CD2AP: variants seen among roughly 807,000 people sequenced by gnomAD.
CD2AP encodes CD2 associated protein.
Under a neutral mutation model 85.1 loss-of-function variants are expected in CD2AP, and 46 were observed. The observed-to-expected ratio is 0.54, with a 90% CI of 0.43 to 0.69. The LOEUF is 0.69. Ranked by LOEUF, CD2AP falls within the 30% of genes least tolerant of loss-of-function variation. CD2AP has a pLI of 0.00. For missense variants in CD2AP, 769 were observed against 729.5 expected, an observed-to-expected ratio of 1.05 and a Z score of -0.62; for synonymous variants, 255 against 252.9, an observed-to-expected ratio of 1.01 and a Z score of -0.08.
chr6:47,615,779 TTTAA>T (rs1769562149), intron 17 of CD2AP, among the ~76,000 whole-genome samples: 1 of 85,790 alleles, frequency 1.2e-5, no homozygotes, highest in Non-Finnish European at 2.5e-5. Flanking sequence ...TAATTTTAAT[TTTAA>T]TTTAATTTAA....
chr6:47,610,291 C>T (rs1769395502), intron 16 of CD2AP, among the ~76,000 whole-genome samples: 1 of 151,956 alleles, frequency 6.6e-6, no homozygotes, highest in South Asian at 2.1e-4. Flanking sequence ...TACAAAAGCC[C>T]AGTAGGTAAA....
chr6:47,564,767 A>G (rs943581031), intron 5 of CD2AP, among the ~76,000 whole-genome samples: 2 of 152,118 alleles, frequency 1.3e-5, no homozygotes, highest in Admixed American at 6.5e-5. Context: ...GCCTCTGTCC[A>G]TAATTGGTGT....
At chr6:47,499,984 C>A (rs763126564) in intron 1 of CD2AP, among the ~76,000 whole-genome samples, 4 of 152,154 alleles carry the variant, frequency 2.6e-5, no homozygotes, top group African/African-American at 9.7e-5. Flanking sequence ...CCACCTCAGC[C>A]TCCCAAAGTG....
chr6:47,599,303 T>A lies in CD2AP; in HGVS notation c.1277T>A (p.Ile426Asn). ...PVPPPPPIAKINGEVSSISSK... is the reference protein window; with the variant it reads ...PVPPPPPIAKNNGEVSSISSK... ...TGCGTGTTTTTTTCTTATTTCAGGA[T>A]TAATGGGGAAGTTTCTAGCATTTCA... is the stretch of plus-strand genomic sequence containing the variant. The change falls in exon 13 of 18, where the codon ATT (isoleucine) becomes AAT (asparagine). Residue 426 changes from isoleucine to asparagine, a missense_variant and splice_region_variant. Coordinates refer to ENST00000359314, the MANE Select transcript of CD2AP (RefSeq NM_012120.3). 1 of 1,611,808 alleles carries A rather than the reference T, an allele frequency of 6.2e-7. No homozygotes were observed. The highest frequency in any genetic ancestry group is 1.1e-5 in the South Asian group (1 of 91,020).
At chr6:47,567,405 A>T (rs1768032579) in intron 5 of CD2AP, among the ~76,000 whole-genome samples, 1 of 152,190 alleles carries the variant, frequency 6.6e-6, no homozygotes, top group Non-Finnish European at 1.5e-5. Context: ...CAATATATTG[A>T]GTGCCTTTTG....
Position 47,626,276 on chromosome 6 carries a change from T to A in CD2AP, c.*2049T>A, listed in dbSNP as rs1769904200. The A allele has an allele frequency of 6.6e-6, 1 of 151,982 alleles. No individual in the cohort carries two copies. Among genetic ancestry groups the A allele is most frequent in the South Asian group, 2.1e-4 (1 of 4,826 alleles). The allele number at this position is 151,982 out of a possible 1,614,324, so 9.4% of individuals were successfully genotyped here. On this transcript the variant is annotated 3_prime_UTR_variant, in exon 18 of 18. Transcript: ENST00000359314. ...AGTAACTGAAATACTTTTACCTTTCTGTCCTTGATAAAATAGTAAAGAAAA... is the reference window on the plus strand; with the variant it reads ...AGTAACTGAAATACTTTTACCTTTCAGTCCTTGATAAAATAGTAAAGAAAA...
intron 2 of CD2AP, among the ~76,000 whole-genome samples, chr6:47,517,292 T>C (rs1307414883): frequency 6.6e-6 from 1 of 151,982 alleles, no homozygotes; most frequent in Non-Finnish European, 1.5e-5. Flanking sequence ...TTCTTTTTTT[T>C]TTTTTTTGGA....
intron 11 of CD2AP, among the ~76,000 whole-genome samples, chr6:47,587,549 G>A (rs1324174712): frequency 6.6e-6 from 1 of 152,102 alleles, no homozygotes; most frequent in Non-Finnish European, 1.5e-5. Flanking sequence ...GGCAAGCTGT[G>A]TCCCAGAATG....
In CD2AP at chr6:47,607,861, C is replaced by T. The variant is rs544847085; in HGVS notation, c.1531-66C>T. The T allele has an allele frequency of 8.6e-5, 92 of 1,072,788 alleles. No homozygotes were observed. In the South Asian group the frequency reaches 1.2e-3, roughly 14 times the overall value. The allele number at this position is 1,072,788 out of a possible 1,614,324, so 66.5% of individuals were successfully genotyped here. The stretch of plus-strand genomic sequence containing the variant: ...CATAAAAGTTATTTGCTTTATTATC[C>T]AAAGACTTACTACCTTTTCTTTTCT... On this transcript the variant is annotated intron_variant, in intron 14 of 17. Transcript: ENST00000359314.
intron 1 of CD2AP, among the ~76,000 whole-genome samples, chr6:47,479,328 C>A (rs1156805868): frequency 7.2e-5 from 11 of 152,154 alleles, no homozygotes; most frequent in Admixed American, 7.2e-4. Flanking sequence ...AGAAGCAGGA[C>A]GAATACAGAC....
intron 17 of CD2AP, 21 bp from the exon 18 acceptor site, chr6:47,624,165 A>G: frequency 6.3e-7 from 1 of 1,587,198 alleles, no homozygotes; most frequent in Non-Finnish European, 8.7e-7. Flanking sequence ...ATGTTTGCTC[A>G]ATTTATGTTT....
intron 5 of CD2AP, among the ~76,000 whole-genome samples, chr6:47,564,404 GAGATCTAATTT>G (rs1767939307): frequency 6.6e-6 from 1 of 152,122 alleles, no homozygotes; most frequent in Non-Finnish European, 1.5e-5. Flanking sequence ...ACCAGCACAA[GAGATCTAATTT>G]ATATTTGAAT....
chr6:47,540,333 T>C (rs568031551), intron 3 of CD2AP, among the ~76,000 whole-genome samples: 129 of 152,276 alleles, frequency 8.5e-4, no homozygotes, highest in African/African-American at 2.9e-3. Context: ...ATTGACTTTG[T>C]GCAGTTTGAA....
chr6:47,479,696 A>G (rs531296308), intron 1 of CD2AP, among the ~76,000 whole-genome samples: 1 of 152,240 alleles, frequency 6.6e-6, no homozygotes, highest in Non-Finnish European at 1.5e-5. Context: ...TTTCTGTCTT[A>G]AATGGGATGC....
chr6:47,495,778 T>C (rs934938767), intron 1 of CD2AP, among the ~76,000 whole-genome samples: 11 of 152,212 alleles, frequency 7.2e-5, no homozygotes, highest in African/African-American at 2.7e-4. Flanking sequence ...AAACTGCCAG[T>C]TGAGTATTTT....
intron 5 of CD2AP, among the ~76,000 whole-genome samples, chr6:47,561,473 T>A (rs912804456): frequency 1.4e-5 from 2 of 143,912 alleles, no homozygotes; most frequent in Non-Finnish European, 3.1e-5. Context: ...CAAGGCAAAC[T>A]TTTTTTTTTT....
At chr6:47,612,817 C>A (rs187674292) in intron 17 of CD2AP, among the ~76,000 whole-genome samples, 1 of 152,090 alleles carries the variant, frequency 6.6e-6, no homozygotes, top group Non-Finnish European at 1.5e-5. Context: ...CGATTGAACT[C>A]ATAGAGATAG....
At chr6:47,562,372 T>C (rs1242503903) in intron 5 of CD2AP, among the ~76,000 whole-genome samples, 3 of 152,204 alleles carry the variant, frequency 2.0e-5, no homozygotes, top group Non-Finnish European at 2.9e-5. Context: ...GTAATTGTTC[T>C]ACAAAGTAGA....
At chr6:47,561,060 A>G (rs1378431011) in intron 5 of CD2AP, among the ~76,000 whole-genome samples, 1 of 152,138 alleles carries the variant, frequency 6.6e-6, no homozygotes, top group African/African-American at 2.4e-5. Context: ...AGTATTATTT[A>G]TTTTGATAAC....
Sources: gnomAD v4.1 joint callset for allele counts (sites outside exome capture counted in the v4.1 genomes callset) on GRCh38, gnomAD v4.1.1 for gene constraint, MANE v1.5 for transcripts, NCBI Gene and HGNC (gene_info 2026-07-23, HGNC 2026-07-21) for gene names.